TECRL: variants seen among roughly 807,000 people sequenced by gnomAD.
TECRL encodes trans-2,3-enoyl-CoA reductase-like.
Under a neutral mutation model 52.8 loss-of-function variants are expected in TECRL, and 63 were observed. The observed-to-expected ratio is 1.19, with a 90% CI of 0.97 to 1.47. The LOEUF (loss-of-function observed/expected upper bound fraction) is 1.47. Among genes scored for constraint, TECRL ranks in the 40% most tolerant of loss-of-function variants. The pLI is 0.00. For synonymous variants in TECRL, 164 were observed against 141.9 expected, an observed-to-expected ratio of 1.16 and a Z score of -1.10; for missense variants, 482 against 429.6, an observed-to-expected ratio of 1.12 and a Z score of -1.08.
intron 3 of TECRL, among the ~76,000 whole-genome samples, chr4:64,325,977 T>A (rs770519668): frequency 2.0e-5 from 3 of 152,130 alleles, no homozygotes; most frequent in African/African-American, 7.2e-5. Context: ...GAGAGGAATA[T>A]ATAGGGCCAA....
At chr4:64,368,398 C>T (rs2062193) in intron 2 of TECRL, among the ~76,000 whole-genome samples, 136,591 of 151,996 alleles carry the variant, frequency 0.9, 62,034 homozygotes, top group East Asian at 1. Context: ...CAGATTCAAG[C>T]GATTCTCCTG....
chr4:64,378,253 T>G (rs1252805061), intron 1 of TECRL, among the ~76,000 whole-genome samples: 2 of 151,850 alleles, frequency 1.3e-5, no homozygotes, highest in South Asian at 2.1e-4. Flanking sequence ...TGGAAAAAAA[T>G]AGGTCTGAGA....
chr4:64,345,771 T>C (rs1374945466), intron 2 of TECRL, among the ~76,000 whole-genome samples: 1 of 151,764 alleles, frequency 6.6e-6, no homozygotes, highest in Non-Finnish European at 1.5e-5. Context: ...TTGAACCTAA[T>C]GCCTTTCTCC....
intron 8 of TECRL, among the ~76,000 whole-genome samples, chr4:64,290,212 C>A (rs929546228): frequency 6.6e-6 from 1 of 152,088 alleles, no homozygotes; most frequent in Non-Finnish European, 1.5e-5. Flanking sequence ...TTTGGAAAAC[C>A]TACTGTGAGC....
chr4:64,396,165 C>T (rs1723936274), intron 1 of TECRL, among the ~76,000 whole-genome samples: 1 of 152,084 alleles, frequency 6.6e-6, no homozygotes, highest in South Asian at 2.1e-4. Context: ...TCTAGTAGAA[C>T]AATTTATATT....
chr4:64,279,390 G>GC lies in TECRL; in HGVS notation c.*681dup, dbSNP rs1236322329. ...TAGCTGGGACTACCTACTGGCATGT[G>GC]CCACCACGCCCAGCTAATTTTTACT... On this transcript the variant is annotated 3_prime_UTR_variant, in exon 12 of 12. Coordinates refer to ENST00000381210, the MANE Select transcript of TECRL (RefSeq NM_001010874.5). The GC allele has an allele frequency of 6.6e-6, 1 of 152,114 alleles. No homozygotes were observed. Among genetic ancestry groups the GC allele is most frequent in the African/African-American group, 2.4e-5 (1 of 41,404 alleles). The allele number at this position is 152,114 out of a possible 1,614,324, so 9.4% of individuals were successfully genotyped here.
At chr4:64,348,044 T>A (rs1720113801) in intron 2 of TECRL, among the ~76,000 whole-genome samples, 1 of 152,188 alleles carries the variant, frequency 6.6e-6, no homozygotes, top group South Asian at 2.1e-4. Context: ...CACATTTTCA[T>A]GTTATGTTTA....
At chr4:64,291,918 A>C (rs1037699793) in intron 8 of TECRL, among the ~76,000 whole-genome samples, 1 of 152,022 alleles carries the variant, frequency 6.6e-6, no homozygotes, top group South Asian at 2.1e-4. Flanking sequence ...AAAAACAACT[A>C]TATCTCTATG....
chr4:64,386,756 C>T (rs1391919347), intron 1 of TECRL, among the ~76,000 whole-genome samples: 4 of 151,942 alleles, frequency 2.6e-5, no homozygotes, highest in Admixed American at 6.6e-5. Flanking sequence ...TTTTGTTTTG[C>T]GTTATTTTAT....
intron 9 of TECRL, among the ~76,000 whole-genome samples, chr4:64,283,562 G>A (rs115049174): frequency 0.012 from 1,788 of 152,056 alleles, 29 homozygotes; most frequent in African/African-American, 0.04. Flanking sequence ...GGGACTGAAT[G>A]GCTCAACAAA....
At chr4:64,376,985 G>T (rs1722444025) in intron 1 of TECRL, among the ~76,000 whole-genome samples, 1 of 151,986 alleles carries the variant, frequency 6.6e-6, no homozygotes, top group Non-Finnish European at 1.5e-5. Context: ...ATATGCAAAA[G>T]CTGTATGCCA....
chr4:64,302,650 A>C (rs1039750908), intron 7 of TECRL, among the ~76,000 whole-genome samples: 4 of 151,402 alleles, frequency 2.6e-5, no homozygotes, highest in African/African-American at 9.7e-5. Flanking sequence ...TGCATAATTT[A>C]ATGAAAATTT....
chr4:64,393,376 C>T (rs747938443), intron 1 of TECRL, among the ~76,000 whole-genome samples: 16 of 152,068 alleles, frequency 1.1e-4, no homozygotes, highest in Non-Finnish European at 2.1e-4. Context: ...AGGGGGGGAA[C>T]ATGAATTTCT....
intron 8 of TECRL, 145 bp from the exon 9 acceptor site, chr4:64,289,912 ATT>A: frequency 2.1e-6 from 1 of 479,392 alleles, no homozygotes; most frequent in East Asian, 3.6e-5. Flanking sequence ...ATAAAGAGAA[ATT>A]TTTTTTAATT....
chr4:64,323,045 A>G (rs942089834), intron 3 of TECRL, among the ~76,000 whole-genome samples: 6 of 152,058 alleles, frequency 3.9e-5, no homozygotes, highest in African/African-American at 1.4e-4. Flanking sequence ...TTACTATCCT[A>G]TTATTTCTGA....
At chr4:64,399,411 G>A (rs532288679) in intron 1 of TECRL, among the ~76,000 whole-genome samples, 1 of 152,310 alleles carries the variant, frequency 6.6e-6, no homozygotes, top group East Asian at 1.9e-4. Flanking sequence ...TTTTTGAGAA[G>A]TAATTCGAGC....
rs1020676818 is a variant in TECRL at position 64,318,119 on chromosome 4, G to A, written c.436-3356C>T. On this transcript the variant is annotated intron_variant, in intron 4 of 11. Transcript: ENST00000381210. ...TGAAAGAAGATAAAAATCACCGTAAGTCTCAGCTATCATTAAAATTTTTCA... is the reference window on the plus strand; with the variant it reads ...TGAAAGAAGATAAAAATCACCGTAAATCTCAGCTATCATTAAAATTTTTCA... Among the ~76,000 whole-genome samples, 12 of 152,102 alleles carry A rather than the reference G, an allele frequency of 7.9e-5. No homozygotes were observed. In the East Asian group the frequency reaches 9.6e-4, roughly 12 times the overall value.
intron 1 of TECRL, among the ~76,000 whole-genome samples, chr4:64,378,846 A>G (rs1021148): frequency 6.6e-6 from 1 of 151,740 alleles, no homozygotes; most frequent in African/African-American, 2.4e-5. Context: ...TTTAAATTTA[A>G]CTGAATTTTA....
chr4:64,382,803 A>C (rs959407591), intron 1 of TECRL, among the ~76,000 whole-genome samples: 3 of 151,586 alleles, frequency 2.0e-5, no homozygotes, highest in Non-Finnish European at 4.4e-5. Context: ...TTTTCTTACT[A>C]TCATTGCAGT....
Sources: gnomAD v4.1 joint callset for allele counts (sites outside exome capture counted in the v4.1 genomes callset) on GRCh38, gnomAD v4.1.1 for gene constraint, MANE v1.5 for transcripts, NCBI Gene and HGNC (gene_info 2026-07-23, HGNC 2026-07-21) for gene names.